CADM1: variants seen among roughly 807,000 people sequenced by gnomAD.
CADM1 encodes TSLC-1.
Under a neutral mutation model 53.1 loss-of-function variants are expected in CADM1, and 15 were observed. The ratio of observed to expected loss-of-function variants is 0.28; its 90% CI spans 0.19 to 0.44. The LOEUF is 0.44. Ranked by LOEUF, CADM1 falls within the 20% of genes least tolerant of loss-of-function variation. The pLI is 1.00. For synonymous variants in CADM1, 281 were observed against 243.0 expected (o/e 1.16, Z -1.45); for missense variants, 434 against 611.3 (o/e 0.71, Z 3.06).
At chr11:115,388,924 T>C (rs1341182363) in intron 1 of CADM1, among the ~76,000 whole-genome samples, 1 of 152,066 alleles carries the variant, frequency 6.6e-6, no homozygotes, top group Admixed American at 6.6e-5. Context: ...ATATGGAGAA[T>C]GCTGACAGAA....
intron 1 of CADM1, among the ~76,000 whole-genome samples, chr11:115,308,975 T>C (rs1233398464): frequency 6.6e-6 from 1 of 152,134 alleles, no homozygotes; most frequent in Non-Finnish European, 1.5e-5. Flanking sequence ...ACACAAAAGG[T>C]AGAGATTTGC....
rs538638505 is a variant in CADM1 at position 115,443,498 on chromosome 11, C to G, written c.124+60773G>C. Among the ~76,000 whole-genome samples the G allele has an allele frequency of 3.3e-5, 5 of 152,190 alleles. No homozygotes were observed. The South Asian group carries it at 1.0e-3, about 32-fold the overall frequency. On this transcript the variant is annotated intron_variant, in intron 1 of 11. Transcript: ENST00000331581. ...CTGGAGTTCTTAATATCATTAGTAA[C>G]CTTTGATCTCAATTTCTCCCACCTG...
chr11:115,411,380 T>C (rs559215562), intron 1 of CADM1, among the ~76,000 whole-genome samples: 1 of 152,188 alleles, frequency 6.6e-6, no homozygotes, highest in South Asian at 2.1e-4. Context: ...ACACATCAAA[T>C]CAGATTTGGA....
At chr11:115,200,867 G>A (rs1371879608) in intron 8 of CADM1, among the ~76,000 whole-genome samples, 1 of 152,174 alleles carries the variant, frequency 6.6e-6, no homozygotes, top group Non-Finnish European at 1.5e-5. Context: ...AGACCTAAGG[G>A]TTAGAGTCAT....
chr11:115,475,756 G>A (rs770497445), intron 1 of CADM1, among the ~76,000 whole-genome samples: 1 of 152,098 alleles, frequency 6.6e-6, no homozygotes, highest in Non-Finnish European at 1.5e-5. Context: ...AGATCAATAC[G>A]GCTGCCAAAG....
intron 1 of CADM1, among the ~76,000 whole-genome samples, chr11:115,286,562 A>G (rs574395221): frequency 4.3e-4 from 65 of 152,338 alleles, no homozygotes; most frequent in Non-Finnish European, 5.9e-4. Flanking sequence ...ATTTTTAAAA[A>G]TGGAAACCTC....
rs150152310 is a variant in CADM1 at position 115,337,974 on chromosome 11, G to A, written c.125-97554C>T. On this transcript the variant is annotated intron_variant, in intron 1 of 11. Coordinates refer to ENST00000331581, the MANE Select transcript of CADM1 (RefSeq NM_001301043.2). ...TGGTTGGAAATAACCTAAGCTCAAA[G>A]CTGGTAGCATACTGGTTGGCCCTAA... Among the ~76,000 whole-genome samples the A allele has an allele frequency of 3.6e-4, 55 of 152,246 alleles. 1 individual carries two copies. The highest frequency in any genetic ancestry group is 1.3e-3 in the African/African-American group (52 of 41,550).
chr11:115,214,129 G>A (rs1273804721), intron 7 of CADM1, among the ~76,000 whole-genome samples: 1 of 152,122 alleles, frequency 6.6e-6, no homozygotes, highest in African/African-American at 2.4e-5. Context: ...AGCTACAAGG[G>A]ACCTTGTATT....
intron 1 of CADM1, among the ~76,000 whole-genome samples, chr11:115,392,031 AAAC>A (rs564297339): frequency 3.9e-5 from 6 of 152,336 alleles, no homozygotes; most frequent in South Asian, 4.1e-4. Context: ...TATACAAGAA[AAAC>A]AACAAGTCGT....
chr11:115,204,424 G>A (rs955382628), intron 8 of CADM1, among the ~76,000 whole-genome samples: 1 of 152,188 alleles, frequency 6.6e-6, no homozygotes, highest in African/African-American at 2.4e-5. Context: ...ACATGATAAG[G>A]GGTTTAGGGA....
intron 1 of CADM1, among the ~76,000 whole-genome samples, chr11:115,308,823 C>T (rs1944459154): frequency 6.9e-6 from 1 of 145,120 alleles, no homozygotes; most frequent in Non-Finnish European, 1.5e-5. Context: ...TCCTTCCATC[C>T]CTCCCTTTCC....
rs1939016140 is a variant in CADM1, at chr11:115,176,116, G to T, written c.*358C>A. 1 of 1,099,708 alleles carries T rather than the reference G, an allele frequency of 9.1e-7. No individual in the cohort carries two copies. The highest frequency in any genetic ancestry group is 1.1e-6 in the Non-Finnish European group (1 of 897,700). The allele number at this position is 1,099,708 out of a possible 1,614,324, so 68.1% of individuals were successfully genotyped here. On this transcript the variant is annotated 3_prime_UTR_variant, in exon 12 of 12. Transcript: ENST00000331581. ...AAAAAATCCGAAATTGGGGTAGAGG[G>T]AGGAAATAAATGTGCACAAAGGGGG... is the stretch of plus-strand genomic sequence containing the variant.
intron 1 of CADM1, among the ~76,000 whole-genome samples, chr11:115,322,540 C>CTTTA: frequency 6.6e-6 from 1 of 152,162 alleles, no homozygotes; most frequent in East Asian, 1.9e-4. Flanking sequence ...CAAAAAGAAA[C>CTTTA]TTTATATCCA....
At chr11:115,281,901 C>A (rs1307767313) in intron 1 of CADM1, among the ~76,000 whole-genome samples, 2 of 150,820 alleles carry the variant, frequency 1.3e-5, no homozygotes, top group East Asian at 3.9e-4. Context: ...GACATTTAAT[C>A]ATGAGGTTAA....
At chr11:115,201,426 T>C (rs1940424162) in intron 8 of CADM1, among the ~76,000 whole-genome samples, 2 of 152,196 alleles carry the variant, frequency 1.3e-5, no homozygotes. Flanking sequence ...ATAATTGCGT[T>C]ATGACTTCAT....
chr11:115,211,041 T>TAA (rs66538947), intron 7 of CADM1, among the ~76,000 whole-genome samples: 8 of 151,828 alleles, frequency 5.3e-5, no homozygotes, highest in Non-Finnish European at 8.8e-5. Flanking sequence ...GGATGTCGTT[T>TAA]AAAAAAAATC....
intron 1 of CADM1, among the ~76,000 whole-genome samples, chr11:115,312,573 G>C (rs1212445130): frequency 6.6e-6 from 1 of 152,102 alleles, no homozygotes; most frequent in African/African-American, 2.4e-5. Flanking sequence ...TATCAAGGAA[G>C]AGTATATTTA....
intron 1 of CADM1, among the ~76,000 whole-genome samples, chr11:115,488,586 C>T (rs972304637): frequency 2.6e-5 from 4 of 152,202 alleles, no homozygotes; most frequent in Non-Finnish European, 5.9e-5. Context: ...GAACAAACTC[C>T]AAACTTCTCC....
Position 115,457,759 on chromosome 11 carries a change from G to A in CADM1, c.124+46512C>T, listed in dbSNP as rs563357341. Among the ~76,000 whole-genome samples, 10 of 152,150 alleles carry A rather than the reference G, an allele frequency of 6.6e-5. No homozygotes were observed. In the South Asian group the frequency reaches 2.1e-3, roughly 32 times the overall value. On this transcript the variant is annotated intron_variant, in intron 1 of 11. Coordinates refer to ENST00000331581, the MANE Select transcript of CADM1 (RefSeq NM_001301043.2). The stretch of plus-strand genomic sequence containing the variant: ...TTTCAGCCTGATAGGTAATTGTTTT[G>A]TAAAATTAAAAGTCACAGAAAATTG...
Sources: allele counts gnomAD v4.1 joint callset (sites outside exome capture counted in the v4.1 genomes callset), GRCh38; gene constraint gnomAD v4.1.1; transcripts MANE v1.5; gene names NCBI Gene and HGNC (gene_info 2026-07-23, HGNC 2026-07-21).